Variants in ELMO1 observed in about 807,000 individuals in gnomAD.
The protein encoded by ELMO1 is engulfment and cell motility protein 1.
A neutral mutation model predicts 98.9 loss-of-function variants in ELMO1; 26 were observed. The ratio of observed to expected loss-of-function variants is 0.26; its 90% confidence interval spans 0.19 to 0.36. The LOEUF is 0.36. ELMO1 is among the 10% of genes least tolerant of loss of function. ELMO1 has a pLI of 1.00. For missense variants in ELMO1, 627 were observed against 935.2 expected, an observed-to-expected ratio of 0.67 and a Z score of 4.30; for synonymous variants, 346 against 346.0, an observed-to-expected ratio of 1.00 and a Z score of 0.00.
intron 16 of ELMO1, among the ~76,000 whole-genome samples, chr7:36,957,560 C>T (rs1035315609): frequency 7.5e-6 from 1 of 134,078 alleles, no homozygotes; most frequent in African/African-American, 4.1e-5. Context: ...CACAACCCTC[C>T]TCAACCCAAA....
At chr7:36,925,031 G>A (rs895232529) in intron 16 of ELMO1, among the ~76,000 whole-genome samples, 6 of 152,094 alleles carry the variant, frequency 3.9e-5, no homozygotes, top group South Asian at 2.1e-4. Context: ...CATCTAGTGC[G>A]CAGAGGCCAG....
chr7:37,188,251 A>G (rs968907574), intron 13 of ELMO1, among the ~76,000 whole-genome samples: 1 of 152,120 alleles, frequency 6.6e-6, no homozygotes, highest in African/African-American at 2.4e-5. Context: ...AGAGCTGCAG[A>G]AAACAGAGCC....
At chr7:37,163,198 C>A (rs1196662622) in intron 13 of ELMO1, among the ~76,000 whole-genome samples, 1 of 152,086 alleles carries the variant, frequency 6.6e-6, no homozygotes, top group African/African-American at 2.4e-5. Context: ...TTAAATCAGA[C>A]CTCTGAATTT....
At chr7:37,134,558 CAAA>C (rs370768267) in intron 13 of ELMO1, among the ~76,000 whole-genome samples, 13 of 89,236 alleles carry the variant, frequency 1.5e-4, no homozygotes, top group Admixed American at 2.5e-4. Context: ...GACTCCATCT[CAAA>C]AAAAAAAAAA....
intron 15 of ELMO1, among the ~76,000 whole-genome samples, chr7:37,027,294 T>C (rs953841991): frequency 5.3e-5 from 8 of 152,172 alleles, no homozygotes; most frequent in Admixed American, 1.3e-4. Context: ...TACAGAGACA[T>C]AGCCCTCCTC....
At chr7:36,942,705 C>T (rs1436570930) in intron 16 of ELMO1, among the ~76,000 whole-genome samples, 3 of 152,110 alleles carry the variant, frequency 2.0e-5, no homozygotes, top group Non-Finnish European at 2.9e-5. Flanking sequence ...TGTGTTCTGG[C>T]TTGAAGGAAT....
At chr7:37,339,907 C>G in intron 2 of ELMO1, among the ~76,000 whole-genome samples, 1 of 152,024 alleles carries the variant, frequency 6.6e-6, no homozygotes, top group Non-Finnish European at 1.5e-5. Context: ...ACATTTCTGC[C>G]AAAAATACAA....
intron 1 of ELMO1, among the ~76,000 whole-genome samples, chr7:37,378,467 G>A (rs568556503): frequency 5.3e-5 from 8 of 152,154 alleles, no homozygotes; most frequent in African/African-American, 1.4e-4. Flanking sequence ...AAACTGATAC[G>A]AAAATAGAAA....
At chr7:37,352,274 A>AT (rs1470677444) in intron 1 of ELMO1, among the ~76,000 whole-genome samples, 2 of 152,054 alleles carry the variant, frequency 1.3e-5, no homozygotes, top group African/African-American at 2.4e-5. Context: ...CCACTATGCC[A>AT]TTTTTTTGTT....
chr7:36,967,361 A>T (rs550880915), intron 16 of ELMO1, among the ~76,000 whole-genome samples: 1 of 152,312 alleles, frequency 6.6e-6, no homozygotes, highest in African/African-American at 2.4e-5. Flanking sequence ...CTTGTTAAAA[A>T]AGAATACCTA....
chr7:37,320,146 CCAT>C (rs1799406036), intron 2 of ELMO1, among the ~76,000 whole-genome samples: 1 of 151,940 alleles, frequency 6.6e-6, no homozygotes, highest in African/African-American at 2.4e-5. Context: ...GCGTGGTGGC[CCAT>C]GCCTGTAGTT....
chr7:36,973,526 ATG>A (rs989289289), intron 16 of ELMO1, among the ~76,000 whole-genome samples: 2 of 152,168 alleles, frequency 1.3e-5, no homozygotes, highest in African/African-American at 2.4e-5. Context: ...GTCTTGAACT[ATG>A]GAAGCCACAT....
At chr7:37,162,023 A>G (rs1298952483) in intron 13 of ELMO1, among the ~76,000 whole-genome samples, 1 of 146,204 alleles carries the variant, frequency 6.8e-6, no homozygotes, top group Non-Finnish European at 1.5e-5. Context: ...GGAGGGAAGG[A>G]AAGGAGGGAG....
At chr7:36,977,072 A>T (rs977111454) in intron 16 of ELMO1, among the ~76,000 whole-genome samples, 24 of 152,302 alleles carry the variant, frequency 1.6e-4, no homozygotes, top group African/African-American at 5.8e-4. Flanking sequence ...AAAGGGGATA[A>T]AATGCCTTTT....
intron 1 of ELMO1, among the ~76,000 whole-genome samples, chr7:37,404,520 T>C (rs532965761): frequency 5.3e-4 from 81 of 152,314 alleles, no homozygotes; most frequent in Middle Eastern, 3.4e-3. Context: ...TTCTCCATGT[T>C]AACGGAAGTA....
chr7:37,031,125 G>A (rs920754422), intron 15 of ELMO1, among the ~76,000 whole-genome samples: 5 of 151,888 alleles, frequency 3.3e-5, no homozygotes, highest in Admixed American at 6.6e-5. Context: ...CTGCTCTTCC[G>A]GATTAAGACA....
intron 16 of ELMO1, among the ~76,000 whole-genome samples, chr7:36,913,216 A>AT (rs1784456796): frequency 6.6e-6 from 1 of 152,214 alleles, no homozygotes; most frequent in African/African-American, 2.4e-5. Flanking sequence ...GAAACCTAGT[A>AT]TGTGGCAAGT....
chr7:36,953,510 G>A (rs1014350047), intron 16 of ELMO1, among the ~76,000 whole-genome samples: 40 of 152,226 alleles, frequency 2.6e-4, no homozygotes, highest in African/African-American at 9.6e-4. Flanking sequence ...GAAAATGACT[G>A]TCAAAAATTT....
At chr7:37,044,010 CGAG>C (rs1795669387) in intron 15 of ELMO1, among the ~76,000 whole-genome samples, 1 of 152,140 alleles carries the variant, frequency 6.6e-6, no homozygotes, top group Non-Finnish European at 1.5e-5. Flanking sequence ...ACAGACTCAA[CGAG>C]GAGGAGGGTG....
Sources: gnomAD v4.1 joint callset for allele counts (sites outside exome capture counted in the v4.1 genomes callset) on GRCh38, gnomAD v4.1.1 for gene constraint, MANE v1.5 for transcripts, NCBI Gene and HGNC (gene_info 2026-07-23, HGNC 2026-07-21) for gene names.